Variants in KLF12 observed in about 807,000 individuals in gnomAD.
KLF12 encodes the protein KLF transcription factor 12.
In KLF12, 9 loss-of-function variants were observed where a neutral mutation model predicts 37.8. The observed-to-expected ratio is 0.24, with a 90% CI of 0.14 to 0.42. The LOEUF is 0.42. Ranked by LOEUF, KLF12 falls within the 10% of genes least tolerant of loss-of-function variation. The probability of loss-of-function intolerance (pLI) is 1.00; values close to 1 mark genes in which losing one functional copy is unlikely to be tolerated. For missense variants in KLF12, 411 were observed against 516.0 expected (o/e 0.80, Z 1.97); for synonymous variants, 208 against 202.1 (o/e 1.03, Z -0.25).
intron 6 of KLF12, among the ~76,000 whole-genome samples, chr13:73,750,167 T>C (rs186156159): frequency 1.3e-5 from 2 of 152,350 alleles, no homozygotes; most frequent in Admixed American, 1.3e-4. Flanking sequence ...TGAAAATATG[T>C]CTTGCTATCC....
chr13:73,812,022 GTAACTA>G, intron 5 of KLF12, among the ~76,000 whole-genome samples: 1 of 152,074 alleles, frequency 6.6e-6, no homozygotes. Flanking sequence ...AGAGGTAAAG[GTAACTA>G]AGATAATTTT....
chr13:74,169,100 TA>T, the KLF12 span, among the ~76,000 whole-genome samples: 7 of 151,568 alleles, frequency 4.6e-5, no homozygotes, highest in East Asian at 1.9e-4. Context: ...TTGGGAACTT[TA>T]AAAAAAAATC....
At chr13:74,223,673 G>A in the KLF12 span, among the ~76,000 whole-genome samples, 5 of 152,164 alleles carry the variant, frequency 3.3e-5, no homozygotes, top group African/African-American at 1.2e-4. Flanking sequence ...TATGTGTTGG[G>A]AAATCAAGGC....
At chr13:74,224,108 TA>T in the KLF12 span, among the ~76,000 whole-genome samples, 8 of 152,180 alleles carry the variant, frequency 5.3e-5, no homozygotes, top group Non-Finnish European at 8.8e-5. Context: ...GAATCCTTCA[TA>T]AGGATGATAT....
chr13:73,707,997 GAATA>G (rs1042416934), intron 7 of KLF12, among the ~76,000 whole-genome samples: 6 of 152,026 alleles, frequency 3.9e-5, no homozygotes, highest in Admixed American at 3.9e-4. Flanking sequence ...ATAATTAATG[GAATA>G]AACATGTAAT....
intron 4 of KLF12, among the ~76,000 whole-genome samples, chr13:73,833,849 T>A (rs778792038): frequency 6.6e-6 from 1 of 152,092 alleles, no homozygotes; most frequent in East Asian, 1.9e-4. Context: ...GCTGGTTACA[T>A]GTTATGTTTT....
intron 3 of KLF12, among the ~76,000 whole-genome samples, chr13:73,903,340 T>C (rs1396089115): frequency 6.6e-6 from 1 of 152,164 alleles, no homozygotes. Flanking sequence ...TTATTAATTA[T>C]GGCATTCCAC....
At chr13:73,747,274 G>A (rs1342572869) in intron 6 of KLF12, among the ~76,000 whole-genome samples, 1 of 151,686 alleles carries the variant, frequency 6.6e-6, no homozygotes, top group Non-Finnish European at 1.5e-5. Context: ...GGATCCAGAG[G>A]AGGAATGAAG....
intron 1 of KLF12, among the ~76,000 whole-genome samples, chr13:74,033,992 T>G (rs1054568599): frequency 1.3e-5 from 2 of 152,130 alleles, no homozygotes; most frequent in African/African-American, 4.8e-5. Flanking sequence ...TTATATTTCT[T>G]GGACTACCAG....
At chr13:73,917,220 G>T (rs1018288114) in intron 3 of KLF12, among the ~76,000 whole-genome samples, 1 of 152,114 alleles carries the variant, frequency 6.6e-6, no homozygotes, top group Non-Finnish European at 1.5e-5. Flanking sequence ...CTTTATAAAT[G>T]CTATAAAAAA....
At chr13:74,150,128 A>G in the KLF12 span, among the ~76,000 whole-genome samples, 1 of 151,552 alleles carries the variant, frequency 6.6e-6, no homozygotes, top group Non-Finnish European at 1.5e-5. Context: ...GTAAGGACTG[A>G]TTTTTTTTTC....
chr13:73,924,641 A>G (rs543034384), intron 3 of KLF12, among the ~76,000 whole-genome samples: 10 of 152,272 alleles, frequency 6.6e-5, no homozygotes, highest in South Asian at 2.1e-4. Context: ...TACAATGGCT[A>G]TAAGTGTTCA....
chr13:73,754,383 G>T (rs1879000823), intron 6 of KLF12, among the ~76,000 whole-genome samples: 1 of 152,096 alleles, frequency 6.6e-6, no homozygotes, highest in Admixed American at 6.6e-5. Context: ...AGAGTCCCAG[G>T]GTCCTTTCCT....
At chr13:73,867,420 A>G (rs913663318) in intron 3 of KLF12, among the ~76,000 whole-genome samples, 1 of 151,934 alleles carries the variant, frequency 6.6e-6, no homozygotes, top group Non-Finnish European at 1.5e-5. Flanking sequence ...GTGTGTATAT[A>G]TATATATATA....
chr13:74,066,473 G>A (rs1873922238), intron 1 of KLF12, among the ~76,000 whole-genome samples: 1 of 151,978 alleles, frequency 6.6e-6, no homozygotes, highest in African/African-American at 2.4e-5. Context: ...ACTAGCCTGG[G>A]CAACATAGCG....
At chr13:73,947,746 A>G (rs1890494315) in intron 2 of KLF12, among the ~76,000 whole-genome samples, 1 of 151,566 alleles carries the variant, frequency 6.6e-6, no homozygotes, top group South Asian at 2.1e-4. Flanking sequence ...CGTTGATCCC[A>G]ACATCTCAAA....
At chr13:74,125,990 C>G (rs568190816) in intron 1 of KLF12, among the ~76,000 whole-genome samples, 2 of 152,292 alleles carry the variant, frequency 1.3e-5, no homozygotes, top group African/African-American at 4.8e-5. Flanking sequence ...AATTTCATTA[C>G]TTTACTTTGC....
chr13:74,076,462 G>A (rs2138730872), intron 1 of KLF12, among the ~76,000 whole-genome samples: 1 of 152,250 alleles, frequency 6.6e-6, no homozygotes, highest in East Asian at 1.9e-4. Flanking sequence ...TTGGAGGAAA[G>A]GAACACTGTG....
At chr13:73,835,059 G>A (rs995930018) in intron 4 of KLF12, among the ~76,000 whole-genome samples, 2 of 145,010 alleles carry the variant, frequency 1.4e-5, no homozygotes, top group Non-Finnish European at 3.0e-5. Flanking sequence ...GCGGGTAGAA[G>A]TTAAACCTTT....
Sources: allele counts gnomAD v4.1 joint callset (sites outside exome capture counted in the v4.1 genomes callset), GRCh38; gene constraint gnomAD v4.1.1; transcripts MANE v1.5; gene names NCBI Gene and HGNC (gene_info 2026-07-23, HGNC 2026-07-21).